The following WASHC3 variants were observed in gnomAD, a reference collection of about 807,000 sequenced individuals.
WASHC3 encodes WASH complex subunit CCDC53.
WASHC3 carries 24 observed loss-of-function variants against 26.1 expected under a neutral mutation model. The ratio of observed to expected loss-of-function variants is 0.92; its 90% CI spans 0.66 to 1.29. The LOEUF is 1.29. WASHC3 is among the 50% of genes most tolerant of loss of function. The pLI, the probability that WASHC3 is intolerant of heterozygous loss-of-function variation, is 0.00. For missense variants in WASHC3, 214 were observed against 229.6 expected, an observed-to-expected ratio of 0.93 and a Z score of 0.44; for synonymous variants, 77 against 75.7, an observed-to-expected ratio of 1.02 and a Z score of -0.09.
chr12:102,030,034 G>C (rs989353935), intron 5 of WASHC3, among the ~76,000 whole-genome samples: 6 of 152,128 alleles, frequency 3.9e-5, no homozygotes, highest in African/African-American at 1.4e-4. Context: ...AGTGGTTCAT[G>C]CCTGTAATCC....
intron 6 of WASHC3, among the ~76,000 whole-genome samples, chr12:102,023,940 C>T (rs1877063773): frequency 1.3e-5 from 2 of 151,894 alleles, no homozygotes; most frequent in South Asian, 4.2e-4. Context: ...TGTTGAAGGG[C>T]CTGGGATCTT....
In WASHC3 at chr12:102,013,118, A is replaced by T; in HGVS notation, c.575T>A (p.Phe192Tyr). 1 of 1,480,426 alleles carries T rather than the reference A, an allele frequency of 6.8e-7. No individual in the cohort carries two copies. 91.7% of individuals were successfully genotyped at this position (1,480,426 alleles called of 1,614,324 possible). A position where few individuals can be genotyped will look rare whatever the true frequency, so the allele number is the denominator to read the frequency against. ...VEESSDSESS[F>Y]SD ...TTATCAAAATTAAGCTTAATCACTA[A>T]AAGAAGATTCGCTATCTGAACTTTC... Residue 192 changes from phenylalanine (F) to tyrosine (Y), a missense_variant, in exon 7 of 7, where the codon TTT becomes TAT. By Grantham distance (22) the Phe-to-Tyr change is conservative (BLOSUM62 3). Coordinates refer to ENST00000240079, the MANE Select transcript of WASHC3 (RefSeq NM_016053.4).
chr12:102,015,848 T>C (rs2121314807), intron 6 of WASHC3, among the ~76,000 whole-genome samples: 1 of 152,362 alleles, frequency 6.6e-6, no homozygotes, highest in Middle Eastern at 3.4e-3. Context: ...ATAATGGAGC[T>C]GAGAAACCTC....
At chr12:102,022,565 A>G (rs942858421) in intron 6 of WASHC3, among the ~76,000 whole-genome samples, 4 of 152,158 alleles carry the variant, frequency 2.6e-5, no homozygotes, top group Admixed American at 2.6e-4. Flanking sequence ...CAAGTAATAC[A>G]AGTAGGTAGA....
At chr12:102,057,745 T>C (rs1338154802) in intron 2 of WASHC3, among the ~76,000 whole-genome samples, 1 of 151,882 alleles carries the variant, frequency 6.6e-6, no homozygotes, top group Non-Finnish European at 1.5e-5. Context: ...AACACATTGA[T>C]GAAAAAAATT....
rs759495770 is a variant in WASHC3 at position 102,039,891 on chromosome 12, T to G, written c.412A>C (p.Arg138=). 4.4e-6 allele frequency: 7 copies of G among 1,575,394 alleles called. No homozygotes were observed. The South Asian group carries it at 7.8e-5, about 17-fold the overall frequency. ...ACCACTTGAACCATTTTGAGATATC[T>G]GGCATATCTTGGATCCTTGGCTACA... is the stretch of plus-strand genomic sequence containing the variant. ...LTVAKDPRYA[R]YLKMVQVGVP... Residue 138 remains arginine (R), a synonymous_variant, in exon 5 of 7, where the codon AGA becomes CGA. Coordinates refer to ENST00000240079, the MANE Select transcript of WASHC3 (RefSeq NM_016053.4).
At position 102,044,138 on chromosome 12, in the gene WASHC3, T is replaced by C. The variant is rs778364917; in HGVS notation, c.291A>G (p.Gly97=). 6.2e-7 allele frequency: 1 copy of C among 1,608,744 alleles called. No homozygotes were observed. Among genetic ancestry groups the C allele is most frequent in the South Asian group, 1.1e-5 (1 of 90,164 alleles). ...GCTCTGAAGTGGCTTCAGGATGTGC[T>C]CCATTTGTGACACTGGTGACATTTA... ...SPLNVTSVTN[G]AHPEATSEQP... is the part of the protein sequence containing the mutation. Residue 97 remains glycine (G), a synonymous_variant, in exon 4 of 7, where the codon GGA becomes GGG. Transcript: ENST00000240079.
chr12:102,044,182 T>C lies in WASHC3; in HGVS notation c.247A>G (p.Thr83Ala). Residue 83 changes from threonine (T) to alanine (A), a missense_variant, in exon 4 of 7, where the codon ACA becomes GCA. Transcript: ENST00000240079. ...ACATTTAAAGGAGATACTTCAACTG[T>C]GACATCATCTAGGCCTGGGATAGAT... Reference protein sequence around the residue: ...LSSIPGLDDVTVEVSPLNVTS... With the variant: ...LSSIPGLDDVAVEVSPLNVTS... 2 of 1,608,964 alleles carry C rather than the reference T, an allele frequency of 1.2e-6. No individual in the cohort carries two copies. The highest frequency in any genetic ancestry group is 1.7e-6 in the Non-Finnish European group (2 of 1,176,976).
intron 1 of WASHC3, among the ~76,000 whole-genome samples, 183 bp from the exon 2 acceptor site, chr12:102,061,529 CA>C (rs1387085932): frequency 6.6e-6 from 1 of 152,154 alleles, no homozygotes; most frequent in Non-Finnish European, 1.5e-5. Context: ...CAGAGGTGCA[CA>C]AAAGTTTGAG....
In WASHC3 at chr12:102,060,721, C is replaced by T. The variant is rs533138399; in HGVS notation, c.150+527G>A. ...CTGTAATCCCAGCACTTTGGGAGGC[C>T]GAGGCTAGTGGATCGCCCAAGGTCA... On this transcript the variant is annotated intron_variant, in intron 2 of 6. Transcript: ENST00000240079. Among the ~76,000 whole-genome samples, 25 of 152,054 alleles carry T rather than the reference C, an allele frequency of 1.6e-4. No homozygotes were observed. The East Asian group carries it at 3.5e-3, about 21-fold the overall frequency.
intron 2 of WASHC3, among the ~76,000 whole-genome samples, chr12:102,048,656 C>G (rs946986855): frequency 2.0e-5 from 3 of 151,172 alleles, no homozygotes; most frequent in Non-Finnish European, 4.4e-5. Context: ...TTTTAAATCA[C>G]ATCACAATTG....
chr12:102,023,557 G>A (rs1041496384), intron 6 of WASHC3, among the ~76,000 whole-genome samples: 2 of 152,102 alleles, frequency 1.3e-5, no homozygotes, highest in Admixed American at 1.3e-4. Context: ...CTTTTCTCCT[G>A]AAGTGAGGCT....
intron 5 of WASHC3, among the ~76,000 whole-genome samples, chr12:102,034,779 AAAGTGT>A (rs1317063543): frequency 1.0e-5 from 1 of 96,274 alleles, no homozygotes; most frequent in African/African-American, 4.2e-5. Flanking sequence ...AGCCTAAAAA[AAAGTGT>A]GTGTGTGTGT....
At position 102,042,456 on chromosome 12, in the gene WASHC3, T is replaced by C. The variant is rs191535115; in HGVS notation, c.324+1649A>G. Among the ~76,000 whole-genome samples, 381 of 152,256 alleles carry C rather than the reference T, an allele frequency of 2.5e-3. 3 individuals carry two copies. The highest frequency in any genetic ancestry group is 8.9e-3 in the African/African-American group (369 of 41,546). On this transcript the variant is annotated intron_variant, in intron 4 of 6. Transcript: ENST00000240079. Reference sequence around the variant, plus strand: ...CTGAAAACAGTGTAGTGTAGTGTAGTATAGTGTAGTGAAGCAGGTAAGTGC... The same window carrying C: ...CTGAAAACAGTGTAGTGTAGTGTAGCATAGTGTAGTGAAGCAGGTAAGTGC...
chr12:102,027,757 T>TC (rs1359973956), intron 5 of WASHC3, among the ~76,000 whole-genome samples: 1 of 152,160 alleles, frequency 6.6e-6, no homozygotes, highest in Admixed American at 6.5e-5. Flanking sequence ...ACAGGTTACT[T>TC]AGAAGACTCT....
intron 3 of WASHC3, among the ~76,000 whole-genome samples, chr12:102,045,622 G>T (rs769794450): frequency 1.3e-5 from 2 of 152,090 alleles, no homozygotes; most frequent in Non-Finnish European, 2.9e-5. Flanking sequence ...CATCAAAACT[G>T]GTATTCCTCA....
At chr12:102,057,685 T>C (rs1878645306) in intron 2 of WASHC3, among the ~76,000 whole-genome samples, 1 of 150,700 alleles carries the variant, frequency 6.6e-6, no homozygotes, top group South Asian at 2.1e-4. Context: ...AAAAAATACA[T>C]AGGGGTAAAT....
intron 1 of WASHC3, 140 bp downstream of exon 1, chr12:102,061,772 C>T (rs1170521809): frequency 9.2e-6 from 6 of 651,630 alleles, no homozygotes; most frequent in East Asian, 5.7e-5. Flanking sequence ...GGCTCTCCCT[C>T]CTGAGGCCCC....
rs58251617 is a variant in WASHC3 at position 102,050,453 on chromosome 12, A to AACACACACACAC, written c.151-4346_151-4335dup. The AACACACACACAC allele has an allele frequency of 5.1e-3, 1,716 of 333,936 alleles. 9 individuals carry two copies. Among genetic ancestry groups the AACACACACACAC allele is most frequent in the African/African-American group, 0.014 (594 of 41,776 alleles). 20.7% of individuals were successfully genotyped at this position (333,936 alleles called of 1,614,324 possible). A position where few individuals can be genotyped will look rare whatever the true frequency, so the allele number is the denominator to read the frequency against. ...GATAATGTAGTAAGATGCCATCTCT[A>AACACACACACAC]ACACACACACACACACACACACACA... On this transcript the variant is annotated intron_variant, in intron 2 of 6. Coordinates refer to ENST00000240079, the MANE Select transcript of WASHC3 (RefSeq NM_016053.4).
Sources: allele counts gnomAD v4.1 joint callset (sites outside exome capture counted in the v4.1 genomes callset), GRCh38; gene constraint gnomAD v4.1.1; transcripts MANE v1.5; gene names NCBI Gene and HGNC (gene_info 2026-07-23, HGNC 2026-07-21).